MYL11: variants seen among roughly 807,000 people sequenced by gnomAD.
MYL11 encodes the protein myosin regulatory light chain 11.
chr16:30,377,850 A>G, the MYL11 span: 1 of 1,614,126 alleles, frequency 6.2e-7, no homozygotes. Context: ...CGTCGACTAC[A>G]AAAACATCTG....
At chr16:30,377,854 A>G in the MYL11 span, 1 of 1,613,950 alleles carries the variant, frequency 6.2e-7, no homozygotes, top group African/African-American at 1.3e-5. Context: ...GACTACAAAA[A>G]CATCTGCTAC....
chr16:30,376,070 T>G, the MYL11 span: 1 of 1,553,118 alleles, frequency 6.4e-7, no homozygotes, highest in African/African-American at 1.4e-5. Context: ...AGAGCCAGCA[T>G]CTGATCCTCC....
chr16:30,375,407 G>C, the MYL11 span, among the ~76,000 whole-genome samples: 5 of 151,038 alleles, frequency 3.3e-5, no homozygotes, highest in African/African-American at 1.2e-4. Context: ...AGAGGTTGCG[G>C]TAAGCCGAGA....
the MYL11 span, among the ~76,000 whole-genome samples, chr16:30,375,042 C>T: frequency 5.9e-5 from 9 of 152,214 alleles, no homozygotes; most frequent in Non-Finnish European, 1.0e-4. Flanking sequence ...AATGATAATC[C>T]GCCCAGACAT....
At chr16:30,374,873 C>A in the MYL11 span, 4 of 1,613,344 alleles carry the variant, frequency 2.5e-6, no homozygotes, top group Non-Finnish European at 3.4e-6. Flanking sequence ...GAGTGAGAAT[C>A]CTCCAACCCC....
At chr16:30,376,011 G>A in the MYL11 span, 2 of 1,498,760 alleles carry the variant, frequency 1.3e-6, no homozygotes, top group African/African-American at 2.8e-5. Context: ...GAAAGGTTTA[G>A]AATTCCTTCC....
At chr16:30,377,954 C>T in the MYL11 span, 2 of 1,510,354 alleles carry the variant, frequency 1.3e-6, no homozygotes, top group South Asian at 1.2e-5. Context: ...GACCTCCACC[C>T]CGGCTCCCAA....
At chr16:30,376,526 G>C in the MYL11 span, 4 of 1,613,956 alleles carry the variant, frequency 2.5e-6, no homozygotes, top group Admixed American at 6.7e-5. Context: ...AGAAGCTCAA[G>C]GGTGAGTGGA....
At chr16:30,371,469 G>A in the MYL11 span, among the ~76,000 whole-genome samples, 1 of 152,082 alleles carries the variant, frequency 6.6e-6, no homozygotes, top group Non-Finnish European at 1.5e-5. Flanking sequence ...CCAGGCCCAG[G>A]TGGCAATAGC....
the MYL11 span, chr16:30,376,414 C>A: frequency 5.3e-5 from 85 of 1,609,788 alleles, no homozygotes; most frequent in Admixed American, 1.2e-4. Flanking sequence ...TTCCCCCAAC[C>A]CCCTCCAGGC....
chr16:30,375,029 A>G, the MYL11 span, among the ~76,000 whole-genome samples: 1 of 152,228 alleles, frequency 6.6e-6, no homozygotes, highest in African/African-American at 2.4e-5. Context: ...AAAGGATCCA[A>G]TCAATGATAA....
chr16:30,376,243 G>A, the MYL11 span: 1 of 1,611,880 alleles, frequency 6.2e-7, no homozygotes, highest in Non-Finnish European at 8.5e-7. Context: ...CCCCCAGGTG[G>A]GAATATTCAA....
chr16:30,377,156 T>G, the MYL11 span, among the ~76,000 whole-genome samples: 1 of 151,554 alleles, frequency 6.6e-6, no homozygotes, highest in Non-Finnish European at 1.5e-5. Flanking sequence ...GAGGTTGCAG[T>G]GAGCCAAGAT....
At chr16:30,374,334 C>T in the MYL11 span, among the ~76,000 whole-genome samples, 1 of 151,152 alleles carries the variant, frequency 6.6e-6, no homozygotes, top group African/African-American at 2.4e-5. Flanking sequence ...AAAAGGGAGA[C>T]AGGGGTCTCA....
At chr16:30,376,406 C>A in the MYL11 span, 1 of 1,606,240 alleles carries the variant, frequency 6.2e-7, no homozygotes, top group Non-Finnish European at 8.5e-7. Flanking sequence ...GCCCATGCTT[C>A]CCCCAACCCC....
chr16:30,375,789 TG>T, the MYL11 span: 1 of 1,584,242 alleles, frequency 6.3e-7, no homozygotes, highest in Non-Finnish European at 8.7e-7. Context: ...GACTGGTCCA[TG>T]GGCCCCTTTG....
the MYL11 span, chr16:30,377,990 T>A: frequency 7.4e-7 from 1 of 1,344,834 alleles, no homozygotes; most frequent in Non-Finnish European, 1.0e-6. Context: ...CTTTGTTTCT[T>A]ATGGGCGGCG....
At chr16:30,376,397 C>A in the MYL11 span, 1 of 1,601,306 alleles carries the variant, frequency 6.2e-7, no homozygotes, top group Non-Finnish European at 8.5e-7. Context: ...CCTGCTCCAG[C>A]CCATGCTTCC....
chr16:30,377,976 TG>T, the MYL11 span: 1 of 1,425,778 alleles, frequency 7.0e-7, no homozygotes, highest in African/African-American at 1.4e-5. Flanking sequence ...AAAATTTAAC[TG>T]ATCTTTGTTT....
Sources: allele counts gnomAD v4.1 joint callset (sites outside exome capture counted in the v4.1 genomes callset), GRCh38; gene constraint gnomAD v4.1.1; transcripts MANE v1.5; gene names NCBI Gene and HGNC (gene_info 2026-07-23, HGNC 2026-07-21).